Variants in PRSS38 observed in about 807,000 individuals in gnomAD.
PRSS38 encodes marapsin 2.
PRSS38 carries 22 observed loss-of-function variants against 26.8 expected under a neutral mutation model. That is an observed-to-expected ratio of 0.82 (90% confidence interval 0.59 to 1.17). The LOEUF is 1.17. Among genes scored for constraint, PRSS38 ranks in the 50% most tolerant of loss-of-function variants. PRSS38 has a pLI of 0.00. For missense variants in PRSS38, 427 were observed against 422.7 expected (o/e 1.01, Z -0.09); for synonymous variants, 175 against 172.1 (o/e 1.02, Z -0.13).
intron 3 of PRSS38, 70 bp downstream of exon 3, chr1:227,817,550 C>G (rs1285264974): frequency 3.9e-6 from 6 of 1,538,526 alleles, no homozygotes; most frequent in African/African-American, 2.7e-5. Context: ...AGAAAATGCT[C>G]TGCCAGCTAA....
At position 227,816,034 on chromosome 1, in the gene PRSS38, C is replaced by G. The variant is rs551354891; in HGVS notation, c.149-56C>G. The G allele has an allele frequency of 6.3e-7, 1 of 1,575,092 alleles. No individual in the cohort carries two copies. The highest frequency in any genetic ancestry group is 2.3e-5 in the East Asian group (1 of 44,308). On this transcript the variant is annotated intron_variant, in intron 1 of 4. Coordinates refer to ENST00000366757, the Ensembl canonical transcript of PRSS38. This position sits in a 1 kb window ranked among gnomAD's most constrained non-coding sequence, Gnocchi z 5.1. ...CCCCTCCCCCACGTCCCCTGCCTGC[C>G]CTACCTCTCCCGTGGCCCCAGCATG...
chr1:227,846,167 A>T (rs1448027466), exon 5 of PRSS38: 2 of 1,613,068 alleles, frequency 1.2e-6, no homozygotes, highest in Non-Finnish European at 1.7e-6. Flanking sequence ...GCCCACTCTC[A>T]GCGTCCTAAT....
At chr1:227,845,338 A>C (rs1287696097) in intron 3 of PRSS38, 132 bp from the exon 4 acceptor site, 4 of 637,912 alleles carry the variant, frequency 6.3e-6, no homozygotes, top group Non-Finnish European at 8.2e-6. Context: ...CCTATGTGTC[A>C]TCAGGGCTCC....
intron 3 of PRSS38, among the ~76,000 whole-genome samples, chr1:227,835,152 G>A (rs1665220847): frequency 6.6e-6 from 1 of 152,146 alleles, no homozygotes; most frequent in African/African-American, 2.4e-5. Context: ...TCGCCAAAAT[G>A]GCTGTAATCA....
rs1480059162 is a variant in PRSS38, at chr1:227,821,848, C to A, written c.583+4368C>A. On this transcript the variant is annotated intron_variant, in intron 3 of 4. Coordinates refer to ENST00000366757, the Ensembl canonical transcript of PRSS38. ...TTATAATACTTGAAGTTTGTTCAGTCTGAATTTGTAGATTTAAATATTTCA... is the reference window on the plus strand; with the variant it reads ...TTATAATACTTGAAGTTTGTTCAGTATGAATTTGTAGATTTAAATATTTCA... Among the ~76,000 whole-genome samples the A allele has an allele frequency of 2.6e-5, 4 of 152,076 alleles. No individual in the cohort carries two copies. In the South Asian group the frequency reaches 6.2e-4, roughly 24 times the overall value.
At chr1:227,834,856 C>T (rs1212009397) in intron 3 of PRSS38, among the ~76,000 whole-genome samples, 4 of 152,026 alleles carry the variant, frequency 2.6e-5, no homozygotes, top group Non-Finnish European at 5.9e-5. Flanking sequence ...AATTGGGCTT[C>T]ATTGAAATTA....
intron 3 of PRSS38, among the ~76,000 whole-genome samples, chr1:227,818,016 T>C (rs1403144807): frequency 6.6e-6 from 1 of 152,234 alleles, no homozygotes; most frequent in African/African-American, 2.4e-5. Flanking sequence ...ACTGATTATT[T>C]TGACAGTTCT....
At chr1:227,836,731 C>T (rs1665242733) in intron 3 of PRSS38, among the ~76,000 whole-genome samples, 1 of 152,104 alleles carries the variant, frequency 6.6e-6, no homozygotes, top group African/African-American at 2.4e-5. Context: ...ACAGAATTTT[C>T]ATTGGAAACT....
At chr1:227,819,530 G>A (rs1278850924) in intron 3 of PRSS38, among the ~76,000 whole-genome samples, 1 of 152,074 alleles carries the variant, frequency 6.6e-6, no homozygotes, top group Non-Finnish European at 1.5e-5. Flanking sequence ...GAATTTTATA[G>A]GAATTGCATT....
intron 3 of PRSS38, among the ~76,000 whole-genome samples, chr1:227,820,770 T>C (rs1664992343): frequency 6.6e-6 from 1 of 152,192 alleles, no homozygotes; most frequent in Non-Finnish European, 1.5e-5. Context: ...TCTTCTATTT[T>C]TTTGGTGGAG....
At chr1:227,815,892 C>A in intron 1 of PRSS38, 28 bp downstream of exon 1, 1 of 1,576,368 alleles carries the variant, frequency 6.3e-7, no homozygotes, top group South Asian at 1.1e-5. Flanking sequence ...GGCGGATGGG[C>A]GGCTGGAGAC....
At chr1:227,831,543 T>C (rs1665153665) in intron 3 of PRSS38, among the ~76,000 whole-genome samples, 1 of 152,204 alleles carries the variant, frequency 6.6e-6, no homozygotes, top group African/African-American at 2.4e-5. Flanking sequence ...ATAATGTTTT[T>C]AAGTCTTCTA....
At chr1:227,846,135 C>T (rs746180270) in exon 5 of PRSS38, 12 of 1,614,050 alleles carry the variant, frequency 7.4e-6, no homozygotes, top group Admixed American at 1.7e-5. Flanking sequence ...CAGCCAGCCC[C>T]TGCTCTCTCT....
At chr1:227,845,287 T>C (rs548503486) in intron 3 of PRSS38, among the ~76,000 whole-genome samples, 183 bp from the exon 4 acceptor site, 1 of 150,940 alleles carries the variant, frequency 6.6e-6, no homozygotes, top group East Asian at 2.0e-4. Context: ...CTCCTCCCTA[T>C]GTGTGGTCAG....
intron 3 of PRSS38, among the ~76,000 whole-genome samples, chr1:227,821,131 T>C (rs1664997866): frequency 6.6e-6 from 1 of 152,098 alleles, no homozygotes; most frequent in South Asian, 2.1e-4. Context: ...AGTGAGAACA[T>C]GTGGTGTTTT....
chr1:227,845,857 G>A, intron 4 of PRSS38, 97 bp from the exon 5 acceptor site: 4 of 1,514,636 alleles, frequency 2.6e-6, no homozygotes, highest in Non-Finnish European at 3.6e-6. Flanking sequence ...CTTCCAGCAG[G>A]GTCTGCACAG....
chr1:227,843,161 T>A lies in PRSS38; in HGVS notation c.584-2309T>A, dbSNP rs560753346. Reference sequence around the variant, plus strand: ...AATTAGTAAAAAAGCCATCCATACATAATGTAGCACAGGGCTCCAGGATGC... The same window carrying A: ...AATTAGTAAAAAAGCCATCCATACAAAATGTAGCACAGGGCTCCAGGATGC... On this transcript the variant is annotated intron_variant, in intron 3 of 4. Transcript: ENST00000366757. Among the ~76,000 whole-genome samples, 8 of 152,262 alleles carry A rather than the reference T, an allele frequency of 5.3e-5. No individual in the cohort carries two copies. The South Asian group carries it at 1.7e-3, about 32-fold the overall frequency.
At chr1:227,844,545 G>A (rs995943006) in intron 3 of PRSS38, among the ~76,000 whole-genome samples, 2 of 142,700 alleles carry the variant, frequency 1.4e-5, no homozygotes, top group African/African-American at 6.0e-5. Flanking sequence ...CCTACATGTG[G>A]TGGGGCTCCT....
intron 4 of PRSS38, 94 bp downstream of exon 4, chr1:227,845,706 G>C (rs1252539106): frequency 1.4e-6 from 2 of 1,441,886 alleles, no homozygotes; most frequent in African/African-American, 2.8e-5. Context: ...TGACTAGCAG[G>C]AGCCCTGCAG....
Sources: allele counts gnomAD v4.1 joint callset (sites outside exome capture counted in the v4.1 genomes callset), GRCh38; gene constraint gnomAD v4.1.1; non-coding constraint Gnocchi (gnomAD v3.1); transcripts MANE v1.5; gene names NCBI Gene and HGNC (gene_info 2026-07-23, HGNC 2026-07-21).